The following ADNP variants were observed in gnomAD, a reference collection of about 807,000 sequenced individuals.
The protein encoded by ADNP is activity dependent neuroprotector homeobox.
Under a neutral mutation model 84.9 loss-of-function variants are expected in ADNP, and 4 were observed. The ratio of observed to expected loss-of-function variants is 0.05; its 90% CI spans 0.02 to 0.11. The LOEUF (loss-of-function observed/expected upper bound fraction) is 0.11, where lower values mean the gene tolerates loss of function less well. Among genes scored for constraint, ADNP ranks in the 10% least tolerant of loss-of-function variants. The probability of loss-of-function intolerance (pLI) is 1.00; values close to 1 mark genes in which losing one functional copy is unlikely to be tolerated. For synonymous variants in ADNP, 554 were observed against 468.1 expected (o/e 1.18, Z -2.37); for missense variants, 1,132 against 1,326.0 (o/e 0.85, Z 2.27).
intron 1 of ADNP, among the ~76,000 whole-genome samples, chr20:50,929,882 G>C (rs1984548359): frequency 2.0e-5 from 3 of 152,160 alleles, no homozygotes; most frequent in Non-Finnish European, 4.4e-5. Context: ...ATGGCAAGAA[G>C]TGTCCAGAGT....
chr20:50,908,765 C>T (rs867136091), intron 2 of ADNP, among the ~76,000 whole-genome samples: 12 of 151,448 alleles, frequency 7.9e-5, no homozygotes, highest in Non-Finnish European at 1.2e-4. Flanking sequence ...CAGAGTGAGA[C>T]TCTGTCTGCA....
At position 50,925,263 on chromosome 20, in the gene ADNP, T is replaced by TACACACACACACACACAC. The variant is rs57985341; in HGVS notation, c.-90+3370_-90+3387dup. Among the ~76,000 whole-genome samples, 933 of 149,074 alleles carry TACACACACACACACACAC rather than the reference T, an allele frequency of 6.3e-3. 4 individuals carry two copies. The highest frequency in any genetic ancestry group is 0.017 in the African/African-American group (672 of 40,426). ...CTCAATTTTTATCTGTGACTTCCTA[T>TACACACACACACACACAC]ACACACACACACACACACACACACA... On this transcript the variant is annotated intron_variant, in intron 2 of 5. Coordinates refer to ENST00000621696, the MANE Select transcript of ADNP (RefSeq NM_001282531.3).
intron 5 of ADNP, among the ~76,000 whole-genome samples, chr20:50,895,187 T>C (rs1253999104): frequency 6.6e-6 from 1 of 152,194 alleles, no homozygotes; most frequent in Non-Finnish European, 1.5e-5. Flanking sequence ...ACCACAGGGA[T>C]GCATTCTGAA....
In ADNP at chr20:50,892,363, C is replaced by T. The variant is rs777162165; in HGVS notation, c.2351G>A (p.Arg784Lys). The T allele has an allele frequency of 2.5e-6, 4 of 1,614,216 alleles. No individual in the cohort carries two copies. The highest frequency in any genetic ancestry group is 3.4e-6 in the Non-Finnish European group (4 of 1,180,054). ...YFNKQPYPTR[R>K]EIEKLAASLW... ...ACTGGCTGCTAGCTTCTCAATTTCTCTCCTGGTGGGATAGGGCTGTTTGTT... is the reference window on the plus strand; with the variant it reads ...ACTGGCTGCTAGCTTCTCAATTTCTTTCCTGGTGGGATAGGGCTGTTTGTT... The change falls in exon 6 of 6, where the codon AGA becomes AAA. Residue 784 changes from arginine to lysine, a missense_variant. This residue lies in a region of ADNP where 41 missense variants were observed against 78.4 expected (regional missense o/e 0.52). Transcript: ENST00000621696.
At position 50,891,596 on chromosome 20, in the gene ADNP, A is replaced by G; in HGVS notation, c.3118T>C (p.Trp1040Arg). ...NSSYGKVEGF[W>R]SKDQSQWKNA... is the part of the protein sequence containing the mutation. Reference sequence around the variant, plus strand: ...TTCCACTGTGACTGGTCCTTAGACCAAAACCCTTCAACTTTTCCATAGGAA... The same window carrying G: ...TTCCACTGTGACTGGTCCTTAGACCGAAACCCTTCAACTTTTCCATAGGAA... Residue 1040 changes from tryptophan to arginine, a missense_variant, in exon 6 of 6, where the codon TGG becomes CGG. Physicochemically the swap from Trp to Arg is moderately radical, Grantham distance 101. Transcript: ENST00000621696. The G allele has an allele frequency of 6.2e-7, 1 of 1,613,566 alleles. No individual in the cohort carries two copies. Among genetic ancestry groups the G allele is most frequent in the East Asian group, 2.2e-5 (1 of 44,890 alleles).
At chr20:50,912,946 T>C (rs1983177615) in intron 2 of ADNP, among the ~76,000 whole-genome samples, 1 of 152,050 alleles carries the variant, frequency 6.6e-6, no homozygotes, top group Admixed American at 6.6e-5. Context: ...ACGCTATTAC[T>C]AGTGAAGAAA....
intron 2 of ADNP, among the ~76,000 whole-genome samples, chr20:50,915,793 G>C (rs1053496183): frequency 6.6e-6 from 1 of 152,178 alleles, no homozygotes; most frequent in Non-Finnish European, 1.5e-5. Context: ...GCTAAAAAGG[G>C]GGGTGAGGGA....
At chr20:50,929,326 C>T (rs753541094) in intron 1 of ADNP, among the ~76,000 whole-genome samples, 25 of 152,178 alleles carry the variant, frequency 1.6e-4, no homozygotes, top group Non-Finnish European at 3.5e-4. Flanking sequence ...GGACTGGGGG[C>T]CAACAGTTTT....
In ADNP at chr20:50,904,844, G is replaced by A. The variant is rs949028783; in HGVS notation, c.-84C>T. The A allele has an allele frequency of 6.6e-6, 1 of 151,740 alleles. No homozygotes were observed. The highest frequency in any genetic ancestry group is 1.5e-5 in the Non-Finnish European group (1 of 67,950). 9.4% of individuals were successfully genotyped at this position (151,740 alleles called of 1,614,324 possible). ...TTGGAACTGTCCTGCCTACTGCTACGGTATTCTTTAAAACAAAAACAAAAA... is the reference window on the plus strand; with the variant it reads ...TTGGAACTGTCCTGCCTACTGCTACAGTATTCTTTAAAACAAAAACAAAAA... On this transcript the variant is annotated 5_prime_UTR_variant, in exon 3 of 6. Coordinates refer to ENST00000621696, the MANE Select transcript of ADNP (RefSeq NM_001282531.3).
intron 2 of ADNP, among the ~76,000 whole-genome samples, chr20:50,919,138 T>TG (rs1983737254): frequency 6.6e-6 from 1 of 151,996 alleles, no homozygotes; most frequent in Non-Finnish European, 1.5e-5. Context: ...CCTCAATTGA[T>TG]GGACTAAACA....
intron 5 of ADNP, among the ~76,000 whole-genome samples, chr20:50,898,524 C>T (rs187645977): frequency 6.6e-6 from 1 of 152,322 alleles, no homozygotes; most frequent in Non-Finnish European, 1.5e-5. Flanking sequence ...GCTTTAACAG[C>T]TTCTGTCACT....
chr20:50,918,124 A>G (rs891746205), intron 2 of ADNP, among the ~76,000 whole-genome samples: 5 of 152,180 alleles, frequency 3.3e-5, no homozygotes, highest in Admixed American at 2.6e-4. Flanking sequence ...CTAAAATGGT[A>G]AAGTTTATGT....
rs970531180 is a variant in ADNP, at chr20:50,889,008, G to A, written c.*2397C>T. On this transcript the variant is annotated 3_prime_UTR_variant, in exon 6 of 6. Coordinates refer to ENST00000621696, the MANE Select transcript of ADNP (RefSeq NM_001282531.3). ...GTGGCAGCACGTTGCCATAGCCAAC[G>A]ATCTCCAGATTATTTGAAAAGCAAA... 4 of 152,138 alleles carry A rather than the reference G, an allele frequency of 2.6e-5. No individual in the cohort carries two copies. Among genetic ancestry groups the A allele is most frequent in the African/African-American group, 9.7e-5 (4 of 41,426 alleles). The allele number at this position is 152,138 out of a possible 1,614,324, so 9.4% of individuals were successfully genotyped here. A position where few individuals can be genotyped will look rare whatever the true frequency, so the allele number is the denominator to read the frequency against.
chr20:50,921,684 G>T (rs765022297), intron 2 of ADNP, among the ~76,000 whole-genome samples: 1 of 152,152 alleles, frequency 6.6e-6, no homozygotes, highest in Non-Finnish European at 1.5e-5. Context: ...ACTCCTCTAA[G>T]AGTTTAAGAT....
intron 2 of ADNP, among the ~76,000 whole-genome samples, chr20:50,918,918 A>C (rs1240521692): frequency 6.6e-6 from 1 of 152,220 alleles, no homozygotes; most frequent in African/African-American, 2.4e-5. Flanking sequence ...AATGGTAAAT[A>C]AACAGCCTGG....
At position 50,930,862 on chromosome 20, in the gene ADNP, G is replaced by C. The variant is rs1425991400; in HGVS notation, c.-301C>G. On this transcript the variant is annotated 5_prime_UTR_variant, in exon 1 of 6. Transcript: ENST00000621696. ...CTCGAGGCGCGCGCGGGGCCGGCGT[G>C]CTCGGGGGCCGGACAGCGGCGGCGG... 6.8e-6 allele frequency: 1 copy of C among 147,000 alleles called. No individual in the cohort carries two copies. Among genetic ancestry groups the C allele is most frequent in the Non-Finnish European group, 1.5e-5 (1 of 65,826 alleles). 9.1% of individuals were successfully genotyped at this position (147,000 alleles called of 1,614,324 possible). A position where few individuals can be genotyped will look rare whatever the true frequency, so the allele number is the denominator to read the frequency against.
intron 2 of ADNP, among the ~76,000 whole-genome samples, chr20:50,926,223 GT>G (rs2123006526): frequency 1.3e-5 from 2 of 152,312 alleles, no homozygotes; most frequent in African/African-American, 4.8e-5. Context: ...GGGGAGCAAT[GT>G]TTCTCTTAAT....
intron 5 of ADNP, among the ~76,000 whole-genome samples, chr20:50,899,260 G>A (rs1426595298): frequency 1.3e-5 from 2 of 150,356 alleles, no homozygotes; most frequent in East Asian, 2.0e-4. Context: ...GCGATGGCAC[G>A]ATCTCAGCTC....
At chr20:50,906,747 A>G (rs1982511402) in intron 2 of ADNP, among the ~76,000 whole-genome samples, 1 of 152,200 alleles carries the variant, frequency 6.6e-6, no homozygotes, top group South Asian at 2.1e-4. Flanking sequence ...GAGTATGCCC[A>G]TAAGGGAACT....
Sources: allele counts gnomAD v4.1 joint callset (sites outside exome capture counted in the v4.1 genomes callset), GRCh38; gene constraint gnomAD v4.1.1; regional missense constraint gnomAD v4.1.1; transcripts MANE v1.5; gene names NCBI Gene and HGNC (gene_info 2026-07-23, HGNC 2026-07-21).